SEMA4A: variants seen among roughly 807,000 people sequenced by gnomAD.
The protein encoded by SEMA4A is semaphorin-4A.
SEMA4A carries 52 observed loss-of-function variants against 72.5 expected under a neutral mutation model. That is an observed-to-expected ratio of 0.72 (90% confidence interval 0.57 to 0.90). SEMA4A has a LOEUF of 0.90. SEMA4A is among the 40% of genes least tolerant of loss of function. The pLI is 0.00. For missense variants in SEMA4A, 926 were observed against 959.7 expected, an observed-to-expected ratio of 0.96 and a Z score of 0.46; for synonymous variants, 369 against 393.1, an observed-to-expected ratio of 0.94 and a Z score of 0.73.
intron 10 of SEMA4A, 167 bp downstream of exon 10, chr1:156,163,261 C>T (rs528147090): frequency 4.1e-6 from 3 of 730,150 alleles, no homozygotes; most frequent in Admixed American, 4.6e-5. Context: ...CCACATGTGC[C>T]TAGCACCCTT....
intron 11 of SEMA4A, 80 bp from the exon 12 acceptor site, chr1:156,174,742 C>T: frequency 6.3e-7 from 1 of 1,587,366 alleles, no homozygotes; most frequent in South Asian, 1.1e-5. Context: ...AGCTTTCTTA[C>T]AGCTGGGGAG....
upstream of SEMA4A, chr1:156,153,364 T>C (rs1371804466): frequency 6.6e-6 from 1 of 152,196 alleles, no homozygotes; most frequent in Non-Finnish European, 1.5e-5. Context: ...CTGGTTATAC[T>C]GGCTGTGACA....
At position 156,161,186 on chromosome 1, in the gene SEMA4A, G is replaced by T. The variant is rs1456996303; in HGVS notation, c.810+157G>T. ...GGGGCGGGGGACAGCGGGGCTGGGC[G>T]GGTGGGGCGGGGGACAAGCGTGGCT... is the stretch of plus-strand genomic sequence containing the variant. On this transcript the variant is annotated intron_variant, in intron 8 of 14. Coordinates refer to ENST00000368285, the MANE Select transcript of SEMA4A (RefSeq NM_022367.4). 2.4e-5 allele frequency: 11 copies of T among 467,720 alleles called. No individual in the cohort carries two copies. In the East Asian group the frequency reaches 4.1e-4, roughly 17 times the overall value. The allele number at this position is 467,720 out of a possible 1,614,324, so 29.0% of individuals were successfully genotyped here.
chr1:156,173,397 C>T (rs1654990299), intron 11 of SEMA4A, among the ~76,000 whole-genome samples: 1 of 152,056 alleles, frequency 6.6e-6, no homozygotes, highest in African/African-American at 2.4e-5. Flanking sequence ...GGCTGGAGCA[C>T]GGAGTGGGGC....
chr1:156,162,259 C>CA (rs537184089), intron 9 of SEMA4A, among the ~76,000 whole-genome samples: 261 of 151,934 alleles, frequency 1.7e-3, no homozygotes, highest in African/African-American at 5.9e-3. Flanking sequence ...GACTCCGTCT[C>CA]AAAAAAAATA....
At chr1:156,176,338 G>T in intron 14 of SEMA4A, 67 bp from the exon 15 acceptor site, 2 of 1,199,702 alleles carry the variant, frequency 1.7e-6, no homozygotes, top group Non-Finnish European at 2.4e-6. Flanking sequence ...AGATAGGTTA[G>T]AGACTCTCTC....
intron 13 of SEMA4A, 152 bp downstream of exon 13, chr1:156,175,395 T>C: frequency 8.4e-7 from 1 of 1,192,836 alleles, no homozygotes; most frequent in Admixed American, 1.8e-5. Flanking sequence ...GGATGGAGTT[T>C]CCAGGCAGTT....
intron 4 of SEMA4A, 60 bp from the exon 5 acceptor site, chr1:156,158,328 C>T: frequency 7.0e-7 from 1 of 1,425,198 alleles, no homozygotes; most frequent in South Asian, 1.1e-5. Flanking sequence ...GGGGCAGCCT[C>T]TGGGGGTCCA....
At position 156,175,244 on chromosome 1, in the gene SEMA4A, G is replaced by A. The variant is rs1313200371; in HGVS notation, c.1592+1G>A. 6.2e-7 allele frequency: 1 copy of A among 1,610,462 alleles called. No individual in the cohort carries two copies. The highest frequency in any genetic ancestry group is 2.2e-5 in the East Asian group (1 of 44,844). ...GTTGCCTCCTGTCTGCCCCCAACCT[G>A]TGAGTGCCAGTCCTGGATGGTGGCC... On this transcript the variant is annotated splice_donor_variant, in intron 13 of 14. Coordinates refer to ENST00000368285, the MANE Select transcript of SEMA4A (RefSeq NM_022367.4). LOFTEE classifies it high-confidence loss of function.
upstream of SEMA4A, chr1:156,153,488 T>C (rs1652716138): frequency 6.6e-6 from 1 of 152,074 alleles, no homozygotes; most frequent in Non-Finnish European, 1.5e-5. Context: ...TGGGTGAACG[T>C]CTTTTTATTC....
At chr1:156,153,894 C>A (rs1399933068) in intron 1 of SEMA4A, 130 bp downstream of exon 1, 1 of 152,300 alleles carries the variant, frequency 6.6e-6, no homozygotes, top group Non-Finnish European at 1.5e-5. Flanking sequence ...CCACCCCTGC[C>A]CAGGCAGCTC....
At chr1:156,161,317 G>T (rs769795133) in intron 8 of SEMA4A, 29 bp from the exon 9 acceptor site, 3 of 1,536,400 alleles carry the variant, frequency 2.0e-6, no homozygotes, top group East Asian at 2.4e-5. Context: ...GGCGCCCGGG[G>T]CGCCCCCTGA....
Position 156,172,985 on chromosome 1 carries a change from C to CT in SEMA4A, c.1296dup (p.Val433CysfsTer33). On this transcript the variant is annotated frameshift_variant, in exon 11 of 15. Coordinates refer to ENST00000368285, the MANE Select transcript of SEMA4A (RefSeq NM_022367.4). LOFTEE classifies it high-confidence loss of function. ...CCAGGGCCTTGATGGGCACAGCCAT[C>CT]TTGTCATGTACCTGGGAACCAGTGA... 1 of 1,614,074 alleles carries CT rather than the reference C, an allele frequency of 6.2e-7. No individual in the cohort carries two copies. Among genetic ancestry groups the CT allele is most frequent in the Non-Finnish European group, 8.5e-7 (1 of 1,179,928 alleles).
chr1:156,159,050 C>G (rs1653331364), intron 6 of SEMA4A: 3 of 515,918 alleles, frequency 5.8e-6, no homozygotes, highest in Non-Finnish European at 1.0e-5. Context: ...AAAAAAAAAG[C>G]CTCAGTGCCT....
chr1:156,152,788 T>C (rs1199754491), upstream of SEMA4A, among the ~76,000 whole-genome samples: 5 of 152,156 alleles, frequency 3.3e-5, no homozygotes, highest in Non-Finnish European at 7.3e-5. Flanking sequence ...GGAATGTGCA[T>C]GTCAGATGGA....
At position 156,171,786 on chromosome 1, in the gene SEMA4A, T is replaced by A. The variant is rs190610944; in HGVS notation, c.1135-1040T>A. On this transcript the variant is annotated intron_variant, in intron 10 of 14. Transcript: ENST00000368285. Reference sequence around the variant, plus strand: ...TAATTAATTAATTAATTAATTAATTTATTTATTTTGTTTTTGAGACCGAGT... The same window carrying A: ...TAATTAATTAATTAATTAATTAATTAATTTATTTTGTTTTTGAGACCGAGT... Among the ~76,000 whole-genome samples the A allele has an allele frequency of 3.3e-3, 506 of 151,664 alleles. 3 individuals carry two copies. The highest frequency in any genetic ancestry group is 6.8e-3 in the African/African-American group (283 of 41,394).
chr1:156,154,720 A>G lies in SEMA4A; in HGVS notation c.139+3A>G. The G allele has an allele frequency of 6.3e-7, 1 of 1,580,392 alleles. No homozygotes were observed. On this transcript the variant is annotated splice_donor_region_variant and intron_variant, in intron 2 of 14. Coordinates refer to ENST00000368285, the MANE Select transcript of SEMA4A (RefSeq NM_022367.4). ...GCCCAGGGTCAGATACTATGCAGGT[A>G]AGTGTCCGACAGCAGGAAGTGTGGG...
At chr1:156,164,707 A>G (rs1329141070) in intron 10 of SEMA4A, among the ~76,000 whole-genome samples, 1 of 152,052 alleles carries the variant, frequency 6.6e-6, no homozygotes, top group Non-Finnish European at 1.5e-5. Flanking sequence ...GTAAGCCATG[A>G]TTACTTTTCC....
intron 6 of SEMA4A, 124 bp downstream of exon 6, chr1:156,158,948 T>G (rs1653317958): frequency 1.3e-6 from 1 of 791,494 alleles, no homozygotes; most frequent in Admixed American, 2.0e-5. Context: ...GTGCATATGG[T>G]CCCAGTTATT....
Sources: gnomAD v4.1 joint callset for allele counts (sites outside exome capture counted in the v4.1 genomes callset) on GRCh38, gnomAD v4.1.1 for gene constraint, MANE v1.5 for transcripts, NCBI Gene and HGNC (gene_info 2026-07-23, HGNC 2026-07-21) for gene names.